Variants in ANO3 observed in about 807,000 individuals in gnomAD.
ANO3 encodes the protein anoctamin 3, also known as anoctamin-3.
In ANO3, 99 loss-of-function variants were observed where a neutral mutation model predicts 144.8. The observed-to-expected ratio is 0.68, with a 90% CI of 0.58 to 0.81. ANO3 has a LOEUF of 0.81. ANO3 is among the 30% of genes least tolerant of loss of function. ANO3 has a pLI of 0.00. For missense variants in ANO3, 905 were observed against 1,202.2 expected (o/e 0.75, Z 3.66); for synonymous variants, 414 against 392.6 (o/e 1.05, Z -0.64).
At chr11:26,264,704 C>T (rs747907089) in intron 1 of ANO3, among the ~76,000 whole-genome samples, 1 of 152,036 alleles carries the variant, frequency 6.6e-6, no homozygotes, top group Non-Finnish European at 1.5e-5. Flanking sequence ...TCTTATGAGG[C>T]CTTTCTCTTT....
chr11:26,309,201 G>T (rs915537166), upstream of ANO3, among the ~76,000 whole-genome samples: 4 of 152,216 alleles, frequency 2.6e-5, no homozygotes, highest in Non-Finnish European at 5.9e-5. Context: ...ACAGACAACA[G>T]GCTGAGCAGA....
At chr11:26,614,942 C>A (rs752901321) in intron 17 of ANO3, among the ~76,000 whole-genome samples, 2 of 151,898 alleles carry the variant, frequency 1.3e-5, no homozygotes, top group Non-Finnish European at 2.9e-5. Context: ...TGGGGAGGGA[C>A]GAGTGCCAGG....
intron 23 of ANO3, 151 bp from the exon 24 acceptor site, chr11:26,647,558 A>G: frequency 1.7e-6 from 1 of 599,006 alleles, no homozygotes; most frequent in Non-Finnish European, 2.8e-6. Context: ...GATAGCTATA[A>G]TGTCTGTATT....
At chr11:26,529,147 TAA>T (rs1491571538) in intron 7 of ANO3, among the ~76,000 whole-genome samples, 206 of 4,886 alleles carry the variant, frequency 0.042, 72 homozygotes, top group East Asian at 0.5. Flanking sequence ...TATTATATAA[TAA>T]TATATATTAT....
At chr11:26,462,939 G>T (rs920483498) in intron 3 of ANO3, 91 bp from the exon 4 acceptor site, 15 of 570,946 alleles carry the variant, frequency 2.6e-5, no homozygotes, top group Non-Finnish European at 4.1e-5. Context: ...GCTAAACTCT[G>T]GGAAAACATG....
At chr11:26,510,137 A>AC (rs1861604551) in intron 5 of ANO3, among the ~76,000 whole-genome samples, 1 of 139,006 alleles carries the variant, frequency 7.2e-6, no homozygotes, top group Non-Finnish European at 1.5e-5. Context: ...CATCTCAAAA[A>AC]AAAAAAAAAA....
chr11:26,266,711 G>A (rs1292709730), intron 1 of ANO3, among the ~76,000 whole-genome samples: 1 of 151,658 alleles, frequency 6.6e-6, no homozygotes, highest in East Asian at 2.0e-4. Flanking sequence ...GGGATTACAG[G>A]CGTGATCCAC....
chr11:26,210,138 C>A (rs7952023), intron 1 of ANO3, among the ~76,000 whole-genome samples: 45,975 of 151,962 alleles, frequency 0.3, 7,697 homozygotes, highest in Non-Finnish European at 0.37. Context: ...TTAAGCCTTT[C>A]ATCTATCTTG....
intron 1 of ANO3, among the ~76,000 whole-genome samples, chr11:26,410,051 A>G (rs1039081436): frequency 2.0e-5 from 3 of 151,848 alleles, no homozygotes; most frequent in South Asian, 4.1e-4. Context: ...TATAAAGAAA[A>G]TGCTGTTTAC....
At chr11:26,597,804 G>A (rs1176281775) in intron 14 of ANO3, among the ~76,000 whole-genome samples, 1 of 152,138 alleles carries the variant, frequency 6.6e-6, no homozygotes, top group African/African-American at 2.4e-5. Context: ...TGTTTAAACG[G>A]GAAAGCTGAC....
chr11:26,579,202 C>A (rs867602320), intron 14 of ANO3, among the ~76,000 whole-genome samples: 2 of 152,142 alleles, frequency 1.3e-5, no homozygotes, highest in Non-Finnish European at 2.9e-5. Context: ...GCACTTAAGG[C>A]AGGTAATTAG....
chr11:26,615,909 C>T (rs926720873), intron 17 of ANO3, among the ~76,000 whole-genome samples: 3 of 151,984 alleles, frequency 2.0e-5, no homozygotes, highest in Non-Finnish European at 4.4e-5. Flanking sequence ...TTCTATTACC[C>T]GTTCATAAAT....
intron 17 of ANO3, among the ~76,000 whole-genome samples, chr11:26,608,413 A>T (rs183148997): frequency 1.8e-4 from 27 of 152,218 alleles, no homozygotes; most frequent in African/African-American, 6.5e-4. Flanking sequence ...GGTCTCACTC[A>T]GTTGGGTGGC....
At chr11:26,582,440 C>T (rs370648853) in intron 14 of ANO3, among the ~76,000 whole-genome samples, 11 of 152,238 alleles carry the variant, frequency 7.2e-5, no homozygotes, top group African/African-American at 2.4e-4. Context: ...CAAGTTGTTC[C>T]AGGGACTGAC....
intron 3 of ANO3, among the ~76,000 whole-genome samples, chr11:26,460,669 T>A (rs1397431722): frequency 6.6e-6 from 1 of 151,166 alleles, no homozygotes; most frequent in African/African-American, 2.4e-5. Flanking sequence ...GTGTATTTCT[T>A]TTCCAGAAAT....
At chr11:26,421,028 A>T (rs2133997616) in intron 1 of ANO3, among the ~76,000 whole-genome samples, 1 of 152,144 alleles carries the variant, frequency 6.6e-6, no homozygotes, top group South Asian at 2.1e-4. Flanking sequence ...AACACTTCCT[A>T]GATGTGGGAC....
chr11:26,520,168 C>A (rs557254804), intron 6 of ANO3, among the ~76,000 whole-genome samples: 12 of 152,266 alleles, frequency 7.9e-5, no homozygotes, highest in African/African-American at 2.9e-4. Context: ...CATTCTCTTG[C>A]TGGATTGTAA....
intron 13 of ANO3, among the ~76,000 whole-genome samples, chr11:26,553,990 G>T (rs993518814): frequency 6.6e-6 from 1 of 152,250 alleles, no homozygotes; most frequent in African/African-American, 2.4e-5. Flanking sequence ...TGTATGAATT[G>T]ATATATTTTG....
chr11:26,561,319 G>C, intron 14 of ANO3: 1 of 856,474 alleles, frequency 1.2e-6, no homozygotes, highest in Non-Finnish European at 1.6e-6. Flanking sequence ...TTCTAGATGA[G>C]AAAATAAATA....
Sources: allele counts gnomAD v4.1 joint callset (sites outside exome capture counted in the v4.1 genomes callset), GRCh38; gene constraint gnomAD v4.1.1; transcripts MANE v1.5; gene names NCBI Gene and HGNC (gene_info 2026-07-23, HGNC 2026-07-21).